The following GALNT16 variants were observed in gnomAD, a reference collection of about 807,000 sequenced individuals.
The protein encoded by GALNT16 is UDP-GalNAc:polypeptide N-acetylgalactosaminyltransferase-like protein 1.
Under a neutral mutation model 76.1 loss-of-function variants are expected in GALNT16, and 40 were observed. The observed-to-expected ratio is 0.53, with a 90% CI of 0.41 to 0.68. The LOEUF (loss-of-function observed/expected upper bound fraction) is 0.68. GALNT16 is among the 30% of genes least tolerant of loss of function. The pLI is 0.00. For missense variants in GALNT16, 621 were observed against 731.9 expected, an observed-to-expected ratio of 0.85 and a Z score of 1.75; for synonymous variants, 276 against 285.2, an observed-to-expected ratio of 0.97 and a Z score of 0.32.
At chr14:69,357,407 C>T (rs568927000), downstream of GALNT16, 20 of 152,362 alleles carry the variant, frequency 1.3e-4, no homozygotes, top group African/African-American at 4.8e-4. Flanking sequence ...GGCTTTTTAC[C>T]CTGCAGGCAG....
chr14:69,336,973 G>T (rs904647558), intron 9 of GALNT16, among the ~76,000 whole-genome samples: 4 of 151,996 alleles, frequency 2.6e-5, no homozygotes, highest in Non-Finnish European at 1.5e-5. Context: ...GCAATCTGCC[G>T]CCCTCAGCCT....
At chr14:69,296,642 G>A (rs1053293128) in intron 1 of GALNT16, among the ~76,000 whole-genome samples, 6 of 151,308 alleles carry the variant, frequency 4.0e-5, no homozygotes, top group South Asian at 2.1e-4. Flanking sequence ...GCAGTGAGCC[G>A]AGATCACACC....
chr14:69,301,945 C>A (rs942931961), intron 1 of GALNT16, among the ~76,000 whole-genome samples: 1 of 152,098 alleles, frequency 6.6e-6, no homozygotes, highest in African/African-American at 2.4e-5. Context: ...GCCGAGATGG[C>A]GCCAGCTTGG....
chr14:69,265,937 G>A (rs2044337348), intron 1 of GALNT16, among the ~76,000 whole-genome samples: 1 of 152,166 alleles, frequency 6.6e-6, no homozygotes, highest in South Asian at 2.1e-4. Context: ...ATTCGTTGGA[G>A]ACCTGGATGC....
chr14:69,323,728 G>C (rs2045237159), intron 2 of GALNT16, among the ~76,000 whole-genome samples: 1 of 152,192 alleles, frequency 6.6e-6, no homozygotes, highest in African/African-American at 2.4e-5. Flanking sequence ...CCCCCAGGGG[G>C]GTCCCAGGCT....
chr14:69,372,815 T>C, the GALNT16 span, among the ~76,000 whole-genome samples: 1 of 152,208 alleles, frequency 6.6e-6, no homozygotes, highest in South Asian at 2.1e-4. Flanking sequence ...CTAATAAGCA[T>C]TTGTCCTCAA....
At position 69,260,266 on chromosome 14, in the gene GALNT16, C is replaced by T. The variant is rs756418904; in HGVS notation, c.-25C>T. 3 of 1,609,106 alleles carry T rather than the reference C, an allele frequency of 1.9e-6. No individual in the cohort carries two copies. The highest frequency in any genetic ancestry group is 1.7e-4 in the Middle Eastern group (1 of 6,050). Reference sequence around the variant, plus strand: ...CCGAGAGCACGCCGGCCCAGTCCCCCACCTGGGGCGCCCGTCTGCCCACCA... The same window carrying T: ...CCGAGAGCACGCCGGCCCAGTCCCCTACCTGGGGCGCCCGTCTGCCCACCA... On this transcript the variant is annotated 5_prime_UTR_variant, in exon 1 of 15. Coordinates refer to ENST00000448469, the MANE Select transcript of GALNT16 (RefSeq NM_001168368.2).
chr14:69,269,979 G>T (rs2044387526), intron 1 of GALNT16, among the ~76,000 whole-genome samples: 1 of 151,984 alleles, frequency 6.6e-6, no homozygotes, highest in Admixed American at 6.5e-5. Flanking sequence ...AGAGTTTTGT[G>T]TGGGATGGAG....
intron 1 of GALNT16, among the ~76,000 whole-genome samples, chr14:69,288,878 A>G (rs1156414212): frequency 2.6e-5 from 4 of 152,026 alleles, no homozygotes; most frequent in South Asian, 4.2e-4. Flanking sequence ...AGTGGATAGA[A>G]GTCTTCTTTT....
At chr14:69,358,287 G>T, downstream of GALNT16, 1 of 152,496 alleles carries the variant, frequency 6.6e-6, no homozygotes, top group Non-Finnish European at 1.5e-5. Flanking sequence ...AGTCAGAGAT[G>T]GCTCTCAGCA....
Position 69,300,674 on chromosome 14 carries a change from C to T in GALNT16, c.178-20037C>T, listed in dbSNP as rs557237497. ...CTACCTGCAGGCCCTCCTCCTAGGT[C>T]CTAGCAGTCCCCTGTGCAATGACAG... On this transcript the variant is annotated intron_variant, in intron 1 of 14. Transcript: ENST00000448469. Among the ~76,000 whole-genome samples the T allele has an allele frequency of 1.2e-4, 19 of 152,300 alleles. No individual in the cohort carries two copies. In the South Asian group the frequency reaches 3.9e-3, roughly 32 times the overall value.
the GALNT16 span, among the ~76,000 whole-genome samples, chr14:69,374,375 A>T: frequency 5.9e-5 from 9 of 152,188 alleles, no homozygotes; most frequent in African/African-American, 2.2e-4. Context: ...GCCTAAGATC[A>T]TTCTTGTTCA....
chr14:69,340,352 C>T (rs2045470469), intron 11 of GALNT16, among the ~76,000 whole-genome samples: 1 of 152,150 alleles, frequency 6.6e-6, no homozygotes, highest in Non-Finnish European at 1.5e-5. Context: ...TATGCACAAC[C>T]TCCTGAATAT....
intron 1 of GALNT16, among the ~76,000 whole-genome samples, chr14:69,281,414 C>T (rs555620287): frequency 7.1e-4 from 108 of 152,268 alleles, no homozygotes; most frequent in Middle Eastern, 3.4e-3. Context: ...TAATTCAGCT[C>T]CAGACCTTGT....
At chr14:69,298,296 G>T (rs1016661390) in intron 1 of GALNT16, among the ~76,000 whole-genome samples, 2 of 152,222 alleles carry the variant, frequency 1.3e-5, no homozygotes, top group African/African-American at 2.4e-5. Flanking sequence ...TGTTCTAGCT[G>T]TGTGTGGCCC....
intron 1 of GALNT16, among the ~76,000 whole-genome samples, chr14:69,311,909 C>T (rs1303122210): frequency 2.0e-5 from 3 of 151,626 alleles, no homozygotes; most frequent in African/African-American, 7.3e-5. Flanking sequence ...TTTTTTCCCC[C>T]TTAATATGTT....
At chr14:69,348,764 C>T (rs1353748557) in intron 14 of GALNT16, 8 of 152,282 alleles carry the variant, frequency 5.3e-5, no homozygotes, top group Non-Finnish European at 1.2e-4. Flanking sequence ...TACACAGCAA[C>T]CAGTGACAGT....
At chr14:69,297,836 G>C (rs1408833737) in intron 1 of GALNT16, among the ~76,000 whole-genome samples, 2 of 152,076 alleles carry the variant, frequency 1.3e-5, no homozygotes, top group Non-Finnish European at 2.9e-5. Context: ...GATAACAATA[G>C]CAATAATAAC....
chr14:69,338,530 AG>A, intron 9 of GALNT16, 120 bp from the exon 10 acceptor site: 3 of 1,402,042 alleles, frequency 2.1e-6, no homozygotes, highest in Non-Finnish European at 2.9e-6. Flanking sequence ...GAGCAGGCCC[AG>A]GAGCCCCGAC....
Sources: allele counts gnomAD v4.1 joint callset (sites outside exome capture counted in the v4.1 genomes callset), GRCh38; gene constraint gnomAD v4.1.1; transcripts MANE v1.5; gene names NCBI Gene and HGNC (gene_info 2026-07-23, HGNC 2026-07-21).